The following MBD5 variants were observed in gnomAD, a reference collection of about 807,000 sequenced individuals.
The protein encoded by MBD5 is methyl-CpG-binding domain protein 5.
A neutral mutation model predicts 117.3 loss-of-function variants in MBD5; 13 were observed. The ratio of observed to expected loss-of-function variants is 0.11; its 90% CI spans 0.07 to 0.18. The LOEUF (loss-of-function observed/expected upper bound fraction) is 0.18, where lower values mean the gene tolerates loss of function less well. Among genes scored for constraint, MBD5 ranks in the 10% least tolerant of loss-of-function variants. The pLI is 1.00. For missense variants in MBD5, 1,879 were observed against 2,093.8 expected (o/e 0.90, Z 2.00); for synonymous variants, 727 against 766.4 (o/e 0.95, Z 0.85).
intron 4 of MBD5, among the ~76,000 whole-genome samples, chr2:148,403,432 G>T (rs955626664): frequency 6.6e-6 from 1 of 152,018 alleles, no homozygotes; most frequent in African/African-American, 2.4e-5. Flanking sequence ...CACCCTCCTT[G>T]ATCTCCCAAA....
At chr2:148,180,062 G>A (rs527421120) in intron 2 of MBD5, among the ~76,000 whole-genome samples, 97 of 151,832 alleles carry the variant, frequency 6.4e-4, no homozygotes, top group African/African-American at 2.0e-3. Context: ...TTCTCTTAGA[G>A]TGCAAGTATT....
At chr2:148,289,268 G>A (rs1701442673) in intron 3 of MBD5, among the ~76,000 whole-genome samples, 1 of 152,184 alleles carries the variant, frequency 6.6e-6, no homozygotes, top group Admixed American at 6.5e-5. Flanking sequence ...AGCCTTTATA[G>A]CAAATATTAA....
intron 1 of MBD5, among the ~76,000 whole-genome samples, chr2:148,159,304 TTTGTTG>T (rs529416379): frequency 5.3e-5 from 8 of 152,014 alleles, no homozygotes; most frequent in African/African-American, 9.6e-5. Flanking sequence ...TTATACTTGT[TTTGTTG>T]TTGTTGTTGT....
At position 148,047,354 on chromosome 2, in the gene MBD5, A is replaced by C. The variant is rs1342167924; in HGVS notation, c.-925+25670A>C. Among the ~76,000 whole-genome samples, 3 of 152,230 alleles carry C rather than the reference A, an allele frequency of 2.0e-5. No individual in the cohort carries two copies. The East Asian group carries it at 5.8e-4, about 29-fold the overall frequency. ...CTAAGGGTCATACAAACCTGAATTG[A>C]AGTAAGGGCTCTGCAACCAAAAGAA... On this transcript the variant is annotated intron_variant, in intron 1 of 13. Coordinates refer to ENST00000642680, the MANE Select transcript of MBD5 (RefSeq NM_001378120.1).
chr2:148,228,764 T>A (rs1699905644), intron 2 of MBD5, among the ~76,000 whole-genome samples: 1 of 152,226 alleles, frequency 6.6e-6, no homozygotes. Context: ...TGGTAAGCTA[T>A]TAATTATTGC....
chr2:148,080,901 C>T (rs1167973409), intron 1 of MBD5, among the ~76,000 whole-genome samples: 2 of 152,012 alleles, frequency 1.3e-5, no homozygotes, highest in South Asian at 2.1e-4. Flanking sequence ...TCTGATTTTT[C>T]TGTAATATGG....
rs778891789 is a variant in MBD5, at chr2:148,463,918, A to G, written c.396A>G (p.Thr132=). Residue 132 remains threonine, a splice_region_variant and synonymous_variant, in exon 7 of 14, where the codon ACA becomes ACG. Coordinates refer to ENST00000642680, the MANE Select transcript of MBD5 (RefSeq NM_001378120.1). ...SLVLTSPGGG[T]NATPVVPSRA... ...TGCTCACCAGTCCCGGAGGAGGAAC[A>G]AGTATGTAATATGGTGAAAGGTTCA... 1.2e-6 allele frequency: 2 copies of G among 1,613,262 alleles called. No individual in the cohort carries two copies. The highest frequency in any genetic ancestry group is 8.5e-7 in the Non-Finnish European group (1 of 1,179,566).
chr2:148,134,616 C>G (rs1697132095), intron 1 of MBD5, among the ~76,000 whole-genome samples: 1 of 152,144 alleles, frequency 6.6e-6, no homozygotes, highest in Admixed American at 6.5e-5. Context: ...CATTCTTCCC[C>G]CCAAATTAGA....
rs1444010615 is a variant in MBD5, at chr2:148,516,109, G to A, written c.*3168G>A. 6.6e-6 allele frequency: 1 copy of A among 152,166 alleles called. No homozygotes were observed. Among genetic ancestry groups the A allele is most frequent in the Non-Finnish European group, 1.5e-5 (1 of 68,028 alleles). The allele number at this position is 152,166 out of a possible 1,614,324, so 9.4% of individuals were successfully genotyped here. A position where few individuals can be genotyped will look rare whatever the true frequency, so the allele number is the denominator to read the frequency against. On this transcript the variant is annotated 3_prime_UTR_variant, in exon 14 of 14. Transcript: ENST00000642680. ...TGAACGTAACACTGCAGAATTGCAG[G>A]AAGAGAAAAGGGCAGTTAGTTATTT...
intron 1 of MBD5, among the ~76,000 whole-genome samples, chr2:148,082,569 A>G (rs1695670977): frequency 6.6e-6 from 1 of 152,198 alleles, no homozygotes; most frequent in African/African-American, 2.4e-5. Context: ...AGTCACTACC[A>G]TGTACCAGAG....
intron 1 of MBD5, among the ~76,000 whole-genome samples, chr2:148,157,890 C>T (rs1162889845): frequency 6.6e-6 from 1 of 152,016 alleles, no homozygotes; most frequent in Non-Finnish European, 1.5e-5. Flanking sequence ...TTAAAATGTT[C>T]ATACTCATTA....
At chr2:148,332,794 G>T (rs913439422) in intron 3 of MBD5, among the ~76,000 whole-genome samples, 2 of 152,106 alleles carry the variant, frequency 1.3e-5, no homozygotes, top group Non-Finnish European at 2.9e-5. Context: ...CAGGTACTCA[G>T]TGAGCCCTTT....
At chr2:148,243,817 T>C (rs1700274893) in intron 3 of MBD5, 2 of 152,000 alleles carry the variant, frequency 1.3e-5, no homozygotes, top group South Asian at 2.1e-4. Context: ...GCATATAGTT[T>C]AGTAGGACAA....
chr2:148,327,949 G>C (rs9750457), intron 3 of MBD5, among the ~76,000 whole-genome samples: 14,903 of 151,808 alleles, frequency 0.098, 914 homozygotes, highest in African/African-American at 0.16. Flanking sequence ...TTTCTGCTCT[G>C]TTTTTTCCCC....
chr2:148,483,623 C>T lies in MBD5; in HGVS notation c.3032C>T (p.Thr1011Ile), dbSNP rs1301463492. ...CTTCCCCTGCCATCTTTCAATCTGA[C>T]CATCTCAGATCTTTTGCAACAGCAA... ...AMLPLPSFNL[T>I]ISDLLQQQNT... Residue 1011 changes from threonine (T) to isoleucine (I), a missense_variant, in exon 9 of 14, where the codon ACC becomes ATC. By Grantham distance (89) the Thr-to-Ile change is moderately conservative. This residue lies in a region of MBD5 where 1,666 missense variants were observed against 1,792.2 expected (regional missense o/e 0.93). Coordinates refer to ENST00000642680, the MANE Select transcript of MBD5 (RefSeq NM_001378120.1). 4 of 1,552,356 alleles carry T rather than the reference C, an allele frequency of 2.6e-6. No homozygotes were observed. Among genetic ancestry groups the T allele is most frequent in the Middle Eastern group, 1.7e-4 (1 of 5,996 alleles).
intron 2 of MBD5, among the ~76,000 whole-genome samples, chr2:148,185,539 G>T (rs1558963109): frequency 1.3e-5 from 2 of 152,262 alleles, no homozygotes; most frequent in African/African-American, 4.8e-5. Context: ...AAAAGTGGGG[G>T]TTAATTAAAT....
At chr2:148,211,791 G>C (rs923804494) in intron 2 of MBD5, among the ~76,000 whole-genome samples, 1 of 152,128 alleles carries the variant, frequency 6.6e-6, no homozygotes. Flanking sequence ...TGTCACCCAG[G>C]CTGGAGGGCA....
intron 1 of MBD5, among the ~76,000 whole-genome samples, chr2:148,092,487 T>G (rs542928193): frequency 6.6e-6 from 1 of 152,172 alleles, no homozygotes; most frequent in African/African-American, 2.4e-5. Flanking sequence ...TACTCAGCCA[T>G]AAAAAGGAAT....
chr2:148,331,478 C>T (rs544551155), intron 3 of MBD5, among the ~76,000 whole-genome samples: 1 of 151,928 alleles, frequency 6.6e-6, no homozygotes, highest in African/African-American at 2.4e-5. Context: ...CACAAAACAT[C>T]CAGTGTTAAA....
Sources: allele counts gnomAD v4.1 joint callset (sites outside exome capture counted in the v4.1 genomes callset), GRCh38; gene constraint gnomAD v4.1.1; regional missense constraint gnomAD v4.1.1; transcripts MANE v1.5; gene names NCBI Gene and HGNC (gene_info 2026-07-23, HGNC 2026-07-21).